ZBTB25: variants seen among roughly 807,000 people sequenced by gnomAD.
The protein encoded by ZBTB25 is zinc finger and BTB domain-containing protein 25.
ZBTB25 carries 20 observed loss-of-function variants against 34.2 expected under a neutral mutation model. The ratio of observed to expected loss-of-function variants is 0.58; its 90% confidence interval spans 0.41 to 0.85. ZBTB25 has a LOEUF of 0.85. ZBTB25 is among the 40% of genes least tolerant of loss of function. ZBTB25 has a pLI of 0.00. For missense variants in ZBTB25, 437 were observed against 521.8 expected (o/e 0.84, Z 1.58); for synonymous variants, 175 against 186.4 (o/e 0.94, Z 0.50).
chr14:64,470,629 C>T (rs1289555446), intron 2 of ZBTB25: 1 of 165,402 alleles, frequency 6.0e-6, no homozygotes, highest in Non-Finnish European at 1.5e-5. Context: ...TTCACAAATC[C>T]TTCAATCAGG....
In ZBTB25 at chr14:64,483,155, T is replaced by C. The variant is rs2078813896; in HGVS notation, c.*3768A>G. 1 of 152,234 alleles carries C rather than the reference T, an allele frequency of 6.6e-6. No homozygotes were observed. Among genetic ancestry groups the C allele is most frequent in the South Asian group, 2.1e-4 (1 of 4,834 alleles). 9.4% of individuals were successfully genotyped at this position (152,234 alleles called of 1,614,324 possible). A position where few individuals can be genotyped will look rare whatever the true frequency, so the allele number is the denominator to read the frequency against. Reference sequence around the variant, plus strand: ...TCTGCCTGATACACACGAAAGTGCATATGACATTTCCAGTTTCAAGCTTGG... The same window carrying C: ...TCTGCCTGATACACACGAAAGTGCACATGACATTTCCAGTTTCAAGCTTGG... On this transcript the variant is annotated 3_prime_UTR_variant, in exon 3 of 3. Coordinates refer to ENST00000608382, the MANE Select transcript of ZBTB25 (RefSeq NM_006977.5).
At chr14:64,455,846 C>T (rs1303009643) in intron 2 of ZBTB25, among the ~76,000 whole-genome samples, 1 of 152,194 alleles carries the variant, frequency 6.6e-6, no homozygotes, top group Non-Finnish European at 1.5e-5. Context: ...CTGTAGGCAA[C>T]ATCATCACAT....
chr14:64,489,959 G>A (rs1191452706), intron 2 of ZBTB25, among the ~76,000 whole-genome samples: 4 of 151,178 alleles, frequency 2.6e-5, no homozygotes, highest in Non-Finnish European at 4.4e-5. Context: ...TGTAATCCCA[G>A]CACTTTGGGA....
chr14:64,471,330 T>G, intron 2 of ZBTB25: 1 of 163,172 alleles, frequency 6.1e-6, no homozygotes. Context: ...TTTTTTGTAT[T>G]TTTAGTAGAG....
At chr14:64,488,094 C>T (rs967598561) in intron 2 of ZBTB25, 37 bp from the exon 3 acceptor site, 1 of 1,589,970 alleles carries the variant, frequency 6.3e-7, no homozygotes, top group Non-Finnish European at 8.6e-7. Context: ...AGAAATGAAA[C>T]ACAACCTAGC....
At chr14:64,459,860 C>T (rs1432118333) in intron 2 of ZBTB25, 1 of 1,536,074 alleles carries the variant, frequency 6.5e-7, no homozygotes, top group East Asian at 2.4e-5. Flanking sequence ...AAGTCAGCCC[C>T]TGCCCAGAAG....
At chr14:64,464,451 C>T (rs1187382234) in intron 2 of ZBTB25, among the ~76,000 whole-genome samples, 1 of 152,138 alleles carries the variant, frequency 6.6e-6, no homozygotes, top group African/African-American at 2.4e-5. Flanking sequence ...TTTTGTGTCT[C>T]AAGAGTTCTT....
At chr14:64,467,318 G>GCACA (rs1350340587) in intron 2 of ZBTB25, 2 of 152,196 alleles carry the variant, frequency 1.3e-5, no homozygotes, top group African/African-American at 2.4e-5. Flanking sequence ...GTGAGGATTA[G>GCACA]AGATGTATGT....
chr14:64,454,468 T>C (rs1435460744), intron 2 of ZBTB25, among the ~76,000 whole-genome samples: 2 of 152,186 alleles, frequency 1.3e-5, no homozygotes, highest in Non-Finnish European at 2.9e-5. Context: ...ATTAGTTTTA[T>C]GTTATTTCCA....
chr14:64,491,971 T>G (rs1322101421), intron 1 of ZBTB25, among the ~76,000 whole-genome samples: 8 of 151,962 alleles, frequency 5.3e-5, no homozygotes, highest in Admixed American at 5.2e-4. Context: ...TGTCAAAAAT[T>G]AGCCAGGCAC....
At chr14:64,449,346 T>A in exon 3 of ZBTB25, 2 of 1,387,358 alleles carry the variant, frequency 1.4e-6, no homozygotes, top group Non-Finnish European at 1.0e-6. Flanking sequence ...AGTGTTCGTT[T>A]ATCAGTGGGT....
chr14:64,491,039 T>G (rs4406969), intron 1 of ZBTB25, among the ~76,000 whole-genome samples: 3 of 152,238 alleles, frequency 2.0e-5, no homozygotes, highest in Non-Finnish European at 4.4e-5. Flanking sequence ...TCAGGGATCC[T>G]CTGGTGCTCA....
chr14:64,504,264 G>A (rs1049921641), upstream of ZBTB25, among the ~76,000 whole-genome samples: 1 of 152,030 alleles, frequency 6.6e-6, no homozygotes, highest in Non-Finnish European at 1.5e-5. Context: ...GTGGGGTCGG[G>A]GGGGCGCGGG....
intron 1 of ZBTB25, chr14:64,503,074 A>G (rs969144293): frequency 1.0e-6 from 1 of 985,504 alleles, no homozygotes; most frequent in East Asian, 1.1e-4. Flanking sequence ...ACTGGTAACA[A>G]CTGATTACTC....
In ZBTB25 at chr14:64,490,407, C is replaced by G. The variant is rs147277692; in HGVS notation, c.127G>C (p.Ala43Pro). The change falls in exon 2 of 3, where the codon GCT becomes CCT. Residue 43 changes from alanine to proline, a missense_variant. Physicochemically the swap from Ala to Pro is conservative, Grantham distance 27. Coordinates refer to ENST00000608382, the MANE Select transcript of ZBTB25 (RefSeq NM_006977.5). ...VYFKAHRAVLAAFSNYFKMIF... is the reference protein window; with the variant it reads ...VYFKAHRAVLPAFSNYFKMIF... ...ATCTTGAAATAGTTAGAAAAAGCAG[C>G]AAGCACTGCTCTGTGGGCTTTGAAG... is the stretch of plus-strand genomic sequence containing the variant. 28 of 1,609,480 alleles carry G rather than the reference C, an allele frequency of 1.7e-5. No individual in the cohort carries two copies. Among genetic ancestry groups the G allele is most frequent in the African/African-American group, 2.7e-5 (2 of 74,784 alleles).
intron 2 of ZBTB25, chr14:64,468,171 G>A: frequency 3.0e-6 from 1 of 327,920 alleles, no homozygotes; most frequent in Non-Finnish European, 5.6e-6. Context: ...CCAAAGAAGG[G>A]CTTTCATCAA....
chr14:64,455,910 T>C (rs911972869), intron 2 of ZBTB25, among the ~76,000 whole-genome samples: 34 of 152,336 alleles, frequency 2.2e-4, no homozygotes, highest in African/African-American at 7.7e-4. Flanking sequence ...TAGCTCTCTA[T>C]AGAGAGCAGA....
chr14:64,460,132 T>C, intron 2 of ZBTB25: 1 of 569,578 alleles, frequency 1.8e-6, no homozygotes. Flanking sequence ...CCCTTTATGA[T>C]ACTGTTGTGT....
rs887890236 is a variant in ZBTB25 at position 64,478,404 on chromosome 14, T to G, written c.*8519A>C. 2.8e-4 allele frequency: 42 copies of G among 152,126 alleles called. No individual in the cohort carries two copies. The highest frequency in any genetic ancestry group is 1.0e-3 in the African/African-American group (42 of 41,414). 9.4% of individuals were successfully genotyped at this position (152,126 alleles called of 1,614,324 possible). A position where few individuals can be genotyped will look rare whatever the true frequency, so the allele number is the denominator to read the frequency against. ...GTTGAACCACAGTTGGAAAAGAAAG[T>G]AAATTTCAGTAGGTAACATACCTCA... On this transcript the variant is annotated 3_prime_UTR_variant, in exon 3 of 3. Coordinates refer to ENST00000608382, the MANE Select transcript of ZBTB25 (RefSeq NM_006977.5).
Sources: allele counts gnomAD v4.1 joint callset (sites outside exome capture counted in the v4.1 genomes callset), GRCh38; gene constraint gnomAD v4.1.1; transcripts MANE v1.5; gene names NCBI Gene and HGNC (gene_info 2026-07-23, HGNC 2026-07-21).